Variants in COL8A1 observed in about 807,000 individuals in gnomAD.
COL8A1 encodes collagen type VIII alpha 1 chain, also known as collagen alpha-1(VIII) chain.
Under a neutral mutation model 42.7 loss-of-function variants are expected in COL8A1, and 21 were observed. The observed-to-expected ratio is 0.49, with a 90% CI of 0.35 to 0.71. The LOEUF (loss-of-function observed/expected upper bound fraction) is 0.71, where lower values mean the gene tolerates loss of function less well. COL8A1 is among the 30% of genes least tolerant of loss of function. COL8A1 has a pLI of 0.01. For synonymous variants in COL8A1, 367 were observed against 369.1 expected (o/e 0.99, Z 0.06); for missense variants, 788 against 962.4 (o/e 0.82, Z 2.40).
intron 1 of COL8A1, among the ~76,000 whole-genome samples, chr3:99,656,922 G>A (rs1462952327): frequency 6.6e-6 from 1 of 152,198 alleles, no homozygotes; most frequent in Non-Finnish European, 1.5e-5. Flanking sequence ...CCCCATTGAA[G>A]CCCTTTTGTG....
In COL8A1 at chr3:99,664,393, G is replaced by T. The variant is rs891920170; in HGVS notation, c.-129+25729G>T. On this transcript the variant is annotated intron_variant, in intron 1 of 3. Coordinates refer to ENST00000652472, the MANE Select transcript of COL8A1 (RefSeq NM_020351.4). ...TTGCTGTCCTTTAATGACATCTTAG[G>T]TAGATTCTATAACTTCGTGGTCACT... Among the ~76,000 whole-genome samples the T allele has an allele frequency of 2.0e-5, 3 of 151,910 alleles. 1 individual carries two copies. Among genetic ancestry groups the T allele is most frequent in the Non-Finnish European group, 4.4e-5 (3 of 67,992 alleles).
intron 1 of COL8A1, chr3:99,677,760 T>C (rs1938746107): frequency 6.6e-6 from 1 of 152,152 alleles, no homozygotes; most frequent in Non-Finnish European, 1.5e-5. Flanking sequence ...GACGTTTCCA[T>C]ACAGTTCCTC....
intron 2 of COL8A1, among the ~76,000 whole-genome samples, chr3:99,784,356 G>T (rs1320453358): frequency 6.6e-6 from 1 of 152,162 alleles, no homozygotes; most frequent in Admixed American, 6.5e-5. Flanking sequence ...CTAAGAAATG[G>T]ATATGGGATT....
intron 1 of COL8A1, among the ~76,000 whole-genome samples, chr3:99,694,358 C>G (rs1939309162): frequency 1.3e-5 from 2 of 151,862 alleles, no homozygotes; most frequent in African/African-American, 4.8e-5. Context: ...TGCCTGTAGC[C>G]CCAGTTACTC....
chr3:99,766,699 C>T (rs1941469795), intron 2 of COL8A1, among the ~76,000 whole-genome samples: 1 of 152,182 alleles, frequency 6.6e-6, no homozygotes, highest in Non-Finnish European at 1.5e-5. Flanking sequence ...CCTGTAATCC[C>T]AGCACTTTGG....
At chr3:99,743,970 C>G (rs1940962251) in intron 1 of COL8A1, among the ~76,000 whole-genome samples, 1 of 151,732 alleles carries the variant, frequency 6.6e-6, no homozygotes, top group South Asian at 2.1e-4. Flanking sequence ...ACTCTGACGC[C>G]CAGGCTGGAG....
intron 2 of COL8A1, among the ~76,000 whole-genome samples, chr3:99,750,434 TTA>T: frequency 6.6e-6 from 1 of 152,234 alleles, no homozygotes; most frequent in East Asian, 1.9e-4. Flanking sequence ...TGGCAGAATT[TTA>T]GACAGTTTTG....
chr3:99,764,322 AT>A (rs1301889435), intron 2 of COL8A1, among the ~76,000 whole-genome samples: 1 of 152,214 alleles, frequency 6.6e-6, no homozygotes, highest in African/African-American at 2.4e-5. Flanking sequence ...GTATTCTTCA[AT>A]AACTCTGAGT....
intron 1 of COL8A1, among the ~76,000 whole-genome samples, chr3:99,651,862 C>A (rs1937858247): frequency 6.6e-6 from 1 of 152,168 alleles, no homozygotes. Flanking sequence ...GCTAAGTTTA[C>A]TTGGAATGAC....
chr3:99,684,306 G>C (rs932075538), intron 1 of COL8A1, among the ~76,000 whole-genome samples: 3 of 152,008 alleles, frequency 2.0e-5, no homozygotes, highest in Non-Finnish European at 2.9e-5. Flanking sequence ...GTAAGGCAAG[G>C]GTCATTATTT....
chr3:99,674,808 A>G (rs1160126094), intron 1 of COL8A1, among the ~76,000 whole-genome samples: 1 of 152,040 alleles, frequency 6.6e-6, no homozygotes, highest in African/African-American at 2.4e-5. Flanking sequence ...AATGCTACAG[A>G]GACTTATTTA....
chr3:99,700,260 C>T (rs187716912), intron 1 of COL8A1, among the ~76,000 whole-genome samples: 2 of 151,724 alleles, frequency 1.3e-5, no homozygotes, highest in Non-Finnish European at 2.9e-5. Flanking sequence ...CAAACCTGCA[C>T]GTTCTGCACG....
chr3:99,743,354 C>T (rs910785715), intron 1 of COL8A1, among the ~76,000 whole-genome samples: 2 of 152,184 alleles, frequency 1.3e-5, no homozygotes, highest in Admixed American at 1.3e-4. Context: ...GTCTAAATAT[C>T]TACAAGTTGA....
intron 1 of COL8A1, chr3:99,675,608 T>C (rs1284019785): frequency 1.3e-5 from 2 of 152,532 alleles, no homozygotes; most frequent in African/African-American, 4.8e-5. Flanking sequence ...AGGTATTTTT[T>C]AGTTTGTAAC....
Position 99,795,409 on chromosome 3 carries a change from G to A in COL8A1, c.1508G>A (p.Gly503Glu). ...GGCCCCCCAGGTATCCCAGGGATTG[G>A]GGGCCCTAGTGGCCCCATTGGACCA... is the stretch of plus-strand genomic sequence containing the variant. ...LQGPPGIPGI[G>E]GPSGPIGPPG... is the part of the protein sequence containing the mutation. The change falls in exon 4 of 4, where the codon GGG becomes GAG. Residue 503 changes from glycine to glutamate, a missense_variant. Physicochemically the swap from Gly to Glu is moderately conservative, Grantham distance 98. Coordinates refer to ENST00000652472, the MANE Select transcript of COL8A1 (RefSeq NM_020351.4). 2 of 1,545,732 alleles carry A rather than the reference G, an allele frequency of 1.3e-6. No individual in the cohort carries two copies. The highest frequency in any genetic ancestry group is 1.7e-6 in the Non-Finnish European group (2 of 1,143,956).
chr3:99,744,866 G>A (rs912525735), intron 1 of COL8A1, 31 bp from the exon 2 acceptor site: 1 of 152,120 alleles, frequency 6.6e-6, no homozygotes. Context: ...TAATTGCCTT[G>A]AGTAAAAGTA....
chr3:99,660,000 A>C (rs1246146411), intron 1 of COL8A1, among the ~76,000 whole-genome samples: 1 of 152,230 alleles, frequency 6.6e-6, no homozygotes, highest in Non-Finnish European at 1.5e-5. Context: ...ATATTTTTAC[A>C]AGCAAATAGA....
chr3:99,673,132 C>A (rs1938594773), intron 1 of COL8A1, among the ~76,000 whole-genome samples: 1 of 152,072 alleles, frequency 6.6e-6, no homozygotes, highest in South Asian at 2.1e-4. Flanking sequence ...GTACAAAGAA[C>A]TTTTGACCTA....
chr3:99,773,837 A>ATATTT (rs1200212756), intron 2 of COL8A1, among the ~76,000 whole-genome samples: 1 of 45,400 alleles, frequency 2.2e-5, no homozygotes, highest in African/African-American at 1.3e-4. Context: ...ATATATATAT[A>ATATTT]TTTTTTTTTT....
Sources: gnomAD v4.1 joint callset for allele counts (sites outside exome capture counted in the v4.1 genomes callset) on GRCh38, gnomAD v4.1.1 for gene constraint, MANE v1.5 for transcripts, NCBI Gene and HGNC (gene_info 2026-07-23, HGNC 2026-07-21) for gene names.